Variants in SMG6 observed in about 807,000 individuals in gnomAD.
The protein encoded by SMG6 is SMG6 nonsense mediated mRNA decay factor.
A neutral mutation model predicts 142.2 loss-of-function variants in SMG6; 66 were observed. That is an observed-to-expected ratio of 0.46 (90% confidence interval 0.38 to 0.57). The LOEUF is 0.57. SMG6 is among the 20% of genes least tolerant of loss of function. The pLI, the probability that SMG6 is intolerant of heterozygous loss-of-function variation, is 0.00. For missense variants in SMG6, 1,793 were observed against 1,832.0 expected (o/e 0.98, Z 0.39); for synonymous variants, 779 against 702.4 (o/e 1.11, Z -1.72).
At chr17:2,280,555 G>A (rs72819574) in intron 8 of SMG6, 44,695 of 981,014 alleles carry the variant, frequency 0.046, 1,146 homozygotes, top group South Asian at 0.078. Context: ...AAGCCACCGC[G>A]TCAGGCCAGA....
chr17:2,086,446 C>A (rs1294029689), intron 13 of SMG6, among the ~76,000 whole-genome samples: 1 of 152,146 alleles, frequency 6.6e-6, no homozygotes, highest in Admixed American at 6.6e-5. Flanking sequence ...AGGTTCCTGC[C>A]CTATCTAAGA....
In SMG6 at chr17:2,299,439, A is replaced by C. The variant is rs768302419; in HGVS notation, c.1314T>G (p.Ser438=). ...APLGPRLLFG[S]GSKGSRSWGR... ...CCCAACTCCGAGATCCCTTACTACC[A>C]GATCCAAACAAAAGCCGAGGTCCCA... Residue 438 remains serine, a synonymous_variant, in exon 2 of 19, where the codon TCT becomes TCG. Transcript: ENST00000263073. The surrounding 1 kb of genome is among the most constrained non-coding windows in gnomAD (Gnocchi z 4.3). 21 of 1,614,172 alleles carry C rather than the reference A, an allele frequency of 1.3e-5. No individual in the cohort carries two copies. In the South Asian group the frequency reaches 2.3e-4, roughly 18 times the overall value.
At chr17:2,091,246 G>C (rs755108096) in intron 13 of SMG6, among the ~76,000 whole-genome samples, 16 of 152,208 alleles carry the variant, frequency 1.1e-4, no homozygotes, top group Admixed American at 5.2e-4. Flanking sequence ...GGAGCTGGGA[G>C]GACAGAGGAA....
intron 13 of SMG6, among the ~76,000 whole-genome samples, chr17:2,123,695 G>C (rs1050679824): frequency 2.3e-4 from 35 of 152,308 alleles, no homozygotes; most frequent in African/African-American, 8.4e-4. Flanking sequence ...GCACAACAAA[G>C]GCTCTTTGCT....
intron 13 of SMG6, among the ~76,000 whole-genome samples, chr17:2,095,403 T>A (rs1007062089): frequency 6.6e-6 from 1 of 152,220 alleles, no homozygotes; most frequent in Non-Finnish European, 1.5e-5. Flanking sequence ...GTATTTATTC[T>A]ACGCGTGGCA....
At chr17:2,244,546 A>G in intron 9 of SMG6, 112 bp downstream of exon 9, 1 of 777,516 alleles carries the variant, frequency 1.3e-6, no homozygotes, top group Non-Finnish European at 2.2e-6. Flanking sequence ...GGAGGCCTCT[A>G]AGAATTCACA....
chr17:2,197,798 C>T (rs1372381800), intron 10 of SMG6, among the ~76,000 whole-genome samples: 1 of 152,076 alleles, frequency 6.6e-6, no homozygotes, highest in African/African-American at 2.4e-5. Context: ...ACATATCTAT[C>T]AGAATGGCTA....
chr17:2,234,059 G>A (rs2073578136), intron 10 of SMG6, among the ~76,000 whole-genome samples: 1 of 152,092 alleles, frequency 6.6e-6, no homozygotes, highest in Non-Finnish European at 1.5e-5. Context: ...GAGCAGACCA[G>A]TCATGAAAAG....
At chr17:2,096,647 A>G (rs72815303) in intron 13 of SMG6, among the ~76,000 whole-genome samples, 10,108 of 152,226 alleles carry the variant, frequency 0.066, 492 homozygotes, top group Admixed American at 0.092. Flanking sequence ...ATCCCAGCCT[A>G]TAAGTCCTTC....
At chr17:2,278,904 G>C (rs1033471600) in intron 8 of SMG6, among the ~76,000 whole-genome samples, 10 of 152,090 alleles carry the variant, frequency 6.6e-5, no homozygotes, top group African/African-American at 2.2e-4. Context: ...ATCTTCTCTA[G>C]CCTCATCCCT....
In SMG6 at chr17:2,196,741, GAAGA is replaced by G. The variant is rs143512205; in HGVS notation, c.2870-8230_2870-8227del. 9.4e-3 allele frequency among the ~76,000 whole-genome samples: 1,427 copies of G among 152,244 alleles called. 22 individuals are homozygous for G. Among genetic ancestry groups the G allele is most frequent in the African/African-American group, 0.032 (1,350 of 41,556 alleles). ...TCGTTCTCCCTGATGTTAAGTTAATGAAGAAAGGGGCCGGGCATGGTGGTTCATG... is the reference window on the plus strand; with the variant it reads ...TCGTTCTCCCTGATGTTAAGTTAATGAAGGGGCCGGGCATGGTGGTTCATG... On this transcript the variant is annotated intron_variant, in intron 10 of 18. Coordinates refer to ENST00000263073, the MANE Select transcript of SMG6 (RefSeq NM_017575.5).
intron 13 of SMG6, among the ~76,000 whole-genome samples, chr17:2,096,928 G>C (rs748307335): frequency 6.6e-6 from 1 of 152,108 alleles, no homozygotes; most frequent in Non-Finnish European, 1.5e-5. Context: ...GACTCCATTA[G>C]CAGCCCTCAA....
chr17:2,233,707 T>C (rs2073564722), intron 10 of SMG6: 1 of 123,070 alleles, frequency 8.1e-6, no homozygotes, highest in Non-Finnish European at 1.6e-5. Flanking sequence ...AACACCCCCT[T>C]ATTGCCACTG....
In SMG6 at chr17:2,242,621, C is replaced by T. The variant is rs1307449009; in HGVS notation, c.2723+2037G>A. On this transcript the variant is annotated intron_variant, in intron 9 of 18. Transcript: ENST00000263073. ...GAGCCACGAGTTCAAGGCTATAGTG[C>T]GGTATGATCACACCTGTGAATAGCC... Among the ~76,000 whole-genome samples the T allele has an allele frequency of 2.3e-5, 3 of 130,588 alleles. 1 individual carries two copies. Among genetic ancestry groups the T allele is most frequent in the African/African-American group, 6.1e-5 (2 of 32,788 alleles). 85.7% of individuals were successfully genotyped at this position (130,588 alleles called of 152,430 possible).
At chr17:2,275,682 G>A (rs750176313) in intron 8 of SMG6, among the ~76,000 whole-genome samples, 14 of 152,094 alleles carry the variant, frequency 9.2e-5, no homozygotes, top group Non-Finnish European at 1.5e-4. Flanking sequence ...GCAGTACCCC[G>A]TTTCTAAAGG....
intron 4 of SMG6, among the ~76,000 whole-genome samples, chr17:2,293,604 G>C (rs982384441): frequency 1.3e-5 from 2 of 152,042 alleles, no homozygotes; most frequent in Non-Finnish European, 2.9e-5. Flanking sequence ...TGAGTAACTG[G>C]GATGATAGGC....
intron 8 of SMG6, among the ~76,000 whole-genome samples, chr17:2,249,710 C>T (rs541266869): frequency 1.3e-5 from 2 of 152,322 alleles, no homozygotes; most frequent in African/African-American, 4.8e-5. Context: ...AGGCCACCTG[C>T]GTTCAGATCT....
Position 2,068,517 on chromosome 17 carries a change from C to T in SMG6, c.3835+261G>A, listed in dbSNP as rs1410040702. Among the ~76,000 whole-genome samples, 3 of 152,256 alleles carry T rather than the reference C, an allele frequency of 2.0e-5. No homozygotes were observed. Among genetic ancestry groups the T allele is most frequent in the African/African-American group, 7.2e-5 (3 of 41,468 alleles). ...AGCTTTATAAGGATAAAAACAAGGGCTGGGCTCATGCAGCCTCTGGTTGCT... is the reference window on the plus strand; with the variant it reads ...AGCTTTATAAGGATAAAAACAAGGGTTGGGCTCATGCAGCCTCTGGTTGCT... On this transcript the variant is annotated intron_variant, in intron 16 of 18. Coordinates refer to ENST00000263073, the MANE Select transcript of SMG6 (RefSeq NM_017575.5). This position sits in a 1 kb window ranked among gnomAD's most constrained non-coding sequence, Gnocchi z 6.7.
intron 6 of SMG6, among the ~76,000 whole-genome samples, chr17:2,288,578 G>A (rs1416633367): frequency 7.0e-6 from 1 of 143,554 alleles, no homozygotes; most frequent in Non-Finnish European, 1.5e-5. Context: ...GCCAAGATTA[G>A]GCCACTGCAC....
Sources: allele counts gnomAD v4.1 joint callset (sites outside exome capture counted in the v4.1 genomes callset), GRCh38; gene constraint gnomAD v4.1.1; non-coding constraint Gnocchi (gnomAD v3.1); transcripts MANE v1.5; gene names NCBI Gene and HGNC (gene_info 2026-07-23, HGNC 2026-07-21).